Variants in CCDC102B observed in about 807,000 individuals in gnomAD.
CCDC102B encodes the protein coiled-coil domain-containing protein 102B.
In CCDC102B, 75 loss-of-function variants were observed where a neutral mutation model predicts 57.4. The ratio of observed to expected loss-of-function variants is 1.31; its 90% CI spans 1.08 to 1.58. CCDC102B has a LOEUF of 1.58. Ranked by LOEUF, CCDC102B falls within the 40% of genes most tolerant of loss-of-function variation. The pLI is 0.00. For synonymous variants in CCDC102B, 206 were observed against 201.9 expected, an observed-to-expected ratio of 1.02 and a Z score of -0.17; for missense variants, 636 against 582.6, an observed-to-expected ratio of 1.09 and a Z score of -0.94.
intron 5 of CCDC102B, among the ~76,000 whole-genome samples, chr18:68,889,282 G>A (rs1199388601): frequency 6.6e-6 from 1 of 152,128 alleles, no homozygotes; most frequent in Non-Finnish European, 1.5e-5. Flanking sequence ...GGTGCTAGCT[G>A]GCTCCTTCCA....
chr18:68,874,383 A>G (rs770598064), intron 4 of CCDC102B, among the ~76,000 whole-genome samples: 5 of 152,006 alleles, frequency 3.3e-5, no homozygotes, highest in East Asian at 1.9e-4. Context: ...CAGTTGGTCA[A>G]TTGTTTCGGA....
intron 6 of CCDC102B, among the ~76,000 whole-genome samples, chr18:68,901,302 G>A (rs1332967782): frequency 6.6e-6 from 1 of 152,104 alleles, no homozygotes; most frequent in African/African-American, 2.4e-5. Flanking sequence ...AACTATTTAA[G>A]TAAGCCACAT....
At chr18:68,720,272 C>T (rs1429616825) in intron 2 of CCDC102B, among the ~76,000 whole-genome samples, 1 of 152,146 alleles carries the variant, frequency 6.6e-6, no homozygotes, top group Non-Finnish European at 1.5e-5. Context: ...TCACCAAAAC[C>T]TGCTAATAAT....
At chr18:69,025,857 C>T (rs1244812293) in intron 7 of CCDC102B, among the ~76,000 whole-genome samples, 1 of 152,088 alleles carries the variant, frequency 6.6e-6, no homozygotes, top group Non-Finnish European at 1.5e-5. Context: ...CTGAGTAAGA[C>T]GGTTGAGATC....
intron 5 of CCDC102B, among the ~76,000 whole-genome samples, chr18:68,886,859 C>A (rs139555976): frequency 1.3e-5 from 2 of 152,022 alleles, no homozygotes; most frequent in East Asian, 3.9e-4. Context: ...TCAATGGACC[C>A]CAGCAAAGTG....
At chr18:68,964,130 A>G (rs1204260804) in intron 6 of CCDC102B, among the ~76,000 whole-genome samples, 1 of 151,918 alleles carries the variant, frequency 6.6e-6, no homozygotes, top group Non-Finnish European at 1.5e-5. Flanking sequence ...AAATCCAATG[A>G]GTCAGATATT....
At chr18:68,765,369 G>GAAAA (rs1334628586) in intron 2 of CCDC102B, among the ~76,000 whole-genome samples, 2 of 126,176 alleles carry the variant, frequency 1.6e-5, no homozygotes, top group Non-Finnish European at 3.3e-5. Context: ...AAGAAAGAAA[G>GAAAA]AAAGAAAGAA....
At chr18:68,752,770 T>C (rs180845107) in intron 2 of CCDC102B, among the ~76,000 whole-genome samples, 1 of 152,316 alleles carries the variant, frequency 6.6e-6, no homozygotes, top group Non-Finnish European at 1.5e-5. Flanking sequence ...TTTGTATGAT[T>C]ACAAGAGATA....
At chr18:68,728,896 G>A (rs113539920) in intron 2 of CCDC102B, among the ~76,000 whole-genome samples, 1,671 of 151,988 alleles carry the variant, frequency 0.011, 13 homozygotes, top group African/African-American at 0.017. Context: ...GGAAAGGAAA[G>A]CAAAATTGTT....
At position 69,011,018 on chromosome 18, in the gene CCDC102B, C is replaced by A; in HGVS notation, c.1348C>A (p.Arg450=). ...TGCAGAACTGACTCATGCAAACAAC[C>A]GAGTGGATCAAAATGAAGCAGAAGT... ...NIAELTHANN[R]VDQNEAEVKK... The change falls in exon 7 of 8, where the codon CGA becomes AGA. Residue 450 remains arginine (R), a synonymous_variant. Coordinates refer to ENST00000360242, the MANE Select transcript of CCDC102B (RefSeq NM_024781.3). 1.2e-6 allele frequency: 2 copies of A among 1,613,698 alleles called. No individual in the cohort carries two copies. The highest frequency in any genetic ancestry group is 3.3e-4 in the Middle Eastern group (2 of 6,062).
intron 6 of CCDC102B, among the ~76,000 whole-genome samples, chr18:68,961,518 T>G (rs2050047997): frequency 6.6e-6 from 1 of 151,956 alleles, no homozygotes; most frequent in African/African-American, 2.4e-5. Context: ...ATATGCAAAT[T>G]ACTAAAATAT....
intron 1 of CCDC102B, among the ~76,000 whole-genome samples, chr18:68,830,802 A>T (rs934686627): frequency 6.6e-6 from 1 of 151,970 alleles, no homozygotes; most frequent in African/African-American, 2.4e-5. Flanking sequence ...ACTTCATAAG[A>T]GTAGTTAAAT....
intron 6 of CCDC102B, among the ~76,000 whole-genome samples, chr18:68,918,073 G>A (rs2041140001): frequency 6.6e-6 from 1 of 152,052 alleles, no homozygotes; most frequent in Non-Finnish European, 1.5e-5. Flanking sequence ...TGCCAATGTA[G>A]TACACCAAAT....
intron 6 of CCDC102B, among the ~76,000 whole-genome samples, chr18:68,952,567 G>C (rs1445789900): frequency 3.9e-5 from 6 of 152,026 alleles, no homozygotes; most frequent in Non-Finnish European, 8.8e-5. Context: ...CTATTCTTTA[G>C]GTTTTACTCA....
intron 2 of CCDC102B, among the ~76,000 whole-genome samples, chr18:68,774,883 A>G (rs2034757615): frequency 1.3e-5 from 2 of 151,596 alleles, no homozygotes; most frequent in Non-Finnish European, 2.9e-5. Flanking sequence ...TATTAATAAC[A>G]TAATCAGTAC....
At chr18:68,759,622 A>G (rs932033935) in intron 2 of CCDC102B, among the ~76,000 whole-genome samples, 3 of 152,154 alleles carry the variant, frequency 2.0e-5, no homozygotes, top group Non-Finnish European at 2.9e-5. Flanking sequence ...CAAATTGTCA[A>G]TCAGGGGTTT....
At chr18:68,809,732 G>A (rs899111) in intron 1 of CCDC102B, among the ~76,000 whole-genome samples, 32,864 of 152,080 alleles carry the variant, frequency 0.22, 3,752 homozygotes, top group Admixed American at 0.28. Context: ...CTGGAACATG[G>A]TAGAAATTTG....
At chr18:68,958,717 A>T (rs116395088) in intron 6 of CCDC102B, among the ~76,000 whole-genome samples, 1,998 of 151,768 alleles carry the variant, frequency 0.013, 46 homozygotes, top group African/African-American at 0.046. Context: ...CTGATTGTGT[A>T]TTTACACATA....
chr18:68,988,093 G>A (rs780032623), intron 6 of CCDC102B, among the ~76,000 whole-genome samples: 14 of 152,072 alleles, frequency 9.2e-5, no homozygotes, highest in Admixed American at 6.6e-4. Context: ...ACACAGGCAC[G>A]CATATGTTCA....
Sources: gnomAD v4.1 joint callset for allele counts (sites outside exome capture counted in the v4.1 genomes callset) on GRCh38, gnomAD v4.1.1 for gene constraint, MANE v1.5 for transcripts, NCBI Gene and HGNC (gene_info 2026-07-23, HGNC 2026-07-21) for gene names.